The following LAMA1 variants were observed in gnomAD, a reference collection of about 807,000 sequenced individuals.
LAMA1 encodes laminin subunit alpha 1, also known as laminin subunit alpha-1.
LAMA1 carries 219 observed loss-of-function variants against 348.7 expected under a neutral mutation model. That is an observed-to-expected ratio of 0.63 (90% CI 0.56 to 0.70). The LOEUF (loss-of-function observed/expected upper bound fraction) is 0.70, where lower values mean the gene tolerates loss of function less well. LAMA1 is among the 30% of genes least tolerant of loss of function. The pLI is 0.00. For missense variants in LAMA1, 3,744 were observed against 3,888.0 expected, an observed-to-expected ratio of 0.96 and a Z score of 0.99; for synonymous variants, 1,487 against 1,491.0, an observed-to-expected ratio of 1.00 and a Z score of 0.06.
At chr18:7,093,485 C>T (rs2058248133) in intron 1 of LAMA1, among the ~76,000 whole-genome samples, 1 of 151,978 alleles carries the variant, frequency 6.6e-6, no homozygotes, top group African/African-American at 2.4e-5. Flanking sequence ...AAAATAAAAC[C>T]AGAGTAAGTT....
rs1046897233 is a variant in LAMA1 at position 7,037,677 on chromosome 18, T to C, written c.1638A>G (p.Leu546=). Residue 546 remains leucine, a synonymous_variant, in exon 12 of 63, where the codon CTA becomes CTG. Coordinates refer to ENST00000389658, the MANE Select transcript of LAMA1 (RefSeq NM_005559.4). The part of the protein sequence containing the change: ...PRKIPSQQDA[L]GGRHQVSINN... ...TGATGCTGACCTGATGGCGCCCGCCTAGTGCATCTTGCTGAGACGGGATCT... is the reference window on the plus strand; with the variant it reads ...TGATGCTGACCTGATGGCGCCCGCCCAGTGCATCTTGCTGAGACGGGATCT... 1 of 1,614,184 alleles carries C rather than the reference T, an allele frequency of 6.2e-7. No individual in the cohort carries two copies. The highest frequency in any genetic ancestry group is 1.3e-5 in the African/African-American group (1 of 75,038).
At position 6,949,115 on chromosome 18, in the gene LAMA1, T is replaced by C. The variant is rs781069031; in HGVS notation, c.8542A>G (p.Arg2848Gly). The C allele has an allele frequency of 6.2e-7, 1 of 1,614,184 alleles. No homozygotes were observed. Reference protein sequence around the residue: ...LGGLPSQYQARKIGNITHSIP... With the variant: ...LGGLPSQYQAGKIGNITHSIP... ...ATGCTGCTTACATTTCCAATTTTCC[T>C]GGCCTGGTACTGGGAGGGCAGGCCT... The change falls in exon 59 of 63, where the codon AGG becomes GGG. Residue 2848 changes from arginine to glycine, a missense_variant. Coordinates refer to ENST00000389658, the MANE Select transcript of LAMA1 (RefSeq NM_005559.4).
intron 16 of LAMA1, among the ~76,000 whole-genome samples, chr18:7,030,751 C>T (rs662523): frequency 0.22 from 34,113 of 151,904 alleles, 4,272 homozygotes; most frequent in African/African-American, 0.33. Context: ...TGTAAACATA[C>T]ATTAATGGAA....
rs77956049 is a variant in LAMA1, at chr18:7,073,581, T to A, written c.345+6394A>T. Among the ~76,000 whole-genome samples, 1,437 of 152,288 alleles carry A rather than the reference T, an allele frequency of 9.4e-3. 8 individuals are homozygous for A. The highest frequency in any genetic ancestry group is 0.015 in the Admixed American group (229 of 15,292). Reference sequence around the variant, plus strand: ...GGGTACATACATGCTGTGGTATGTGTCAAAATTTCATTCCTTTTTAAGGCT... The same window carrying A: ...GGGTACATACATGCTGTGGTATGTGACAAAATTTCATTCCTTTTTAAGGCT... On this transcript the variant is annotated intron_variant, in intron 3 of 62. Coordinates refer to ENST00000389658, the MANE Select transcript of LAMA1 (RefSeq NM_005559.4).
chr18:7,111,996 C>A (rs1483794751), intron 1 of LAMA1, among the ~76,000 whole-genome samples: 2 of 152,210 alleles, frequency 1.3e-5, no homozygotes, highest in African/African-American at 4.8e-5. Flanking sequence ...AATACATTAA[C>A]TTATCCTTAA....
chr18:7,021,833 AATAATATATTATATTATAT>A (rs2057918140), intron 19 of LAMA1, among the ~76,000 whole-genome samples: 2 of 65,928 alleles, frequency 3.0e-5, no homozygotes, highest in African/African-American at 1.6e-4. Context: ...TATATAATAT[AATAATATATTATATTATAT>A]TATATATATT....
intron 55 of LAMA1, 36 bp downstream of exon 55, chr18:6,958,441 A>G: frequency 6.2e-7 from 1 of 1,607,396 alleles, no homozygotes; most frequent in Non-Finnish European, 8.5e-7. Flanking sequence ...GAAAGGTCAG[A>G]AAGTGCAAGA....
In LAMA1 at chr18:7,010,967, A is replaced by G. The variant is rs369589916; in HGVS notation, c.3687+333T>C. 2.0e-5 allele frequency among the ~76,000 whole-genome samples: 3 copies of G among 152,266 alleles called. No homozygotes were observed. The East Asian group carries it at 5.8e-4, about 29-fold the overall frequency. ...ACGACCATGGTCTCATGAGATTATA[A>G]TAATAACTTTCGCACCTAATGACAC... On this transcript the variant is annotated intron_variant, in intron 25 of 62. Coordinates refer to ENST00000389658, the MANE Select transcript of LAMA1 (RefSeq NM_005559.4).
chr18:6,963,670 C>T (rs781611275), intron 51 of LAMA1, among the ~76,000 whole-genome samples: 28 of 152,196 alleles, frequency 1.8e-4, no homozygotes, highest in East Asian at 1.5e-3. Flanking sequence ...CTAACCACTA[C>T]GCTGAATGGC....
In LAMA1 at chr18:7,080,319, C is replaced by T. The variant is rs758995991; in HGVS notation, c.200G>A (p.Arg67Gln). The T allele has an allele frequency of 8.7e-6, 14 of 1,614,220 alleles. No individual in the cohort carries two copies. Among genetic ancestry groups the T allele is most frequent in the East Asian group, 2.2e-5 (1 of 44,888 alleles). ...GTTTGCGCTGTTGCCATCACAGATCCGGCACTGTGGGTTTCGGACGGGCCG... is the reference window on the plus strand; with the variant it reads ...GTTTGCGCTGTTGCCATCACAGATCTGGCACTGTGGGTTTCGGACGGGCCG... The part of the protein sequence containing the change: ...PGRPVRNPQC[R>Q]ICDGNSANPR... The change falls in exon 2 of 63, where the codon CGG becomes CAG. Residue 67 changes from arginine to glutamine, a missense_variant. This residue lies in a region of LAMA1 where 1,529 missense variants were observed against 1,689.4 expected (regional missense o/e 0.91). Transcript: ENST00000389658.
intron 4 of LAMA1, among the ~76,000 whole-genome samples, chr18:7,050,158 C>T (rs1040710639): frequency 6.6e-6 from 1 of 152,204 alleles, no homozygotes; most frequent in African/African-American, 2.4e-5. Flanking sequence ...ACTCACAGCT[C>T]GCTGCAGAGT....
At chr18:6,991,758 G>T (rs936445613) in intron 36 of LAMA1, among the ~76,000 whole-genome samples, 1 of 151,922 alleles carries the variant, frequency 6.6e-6, no homozygotes, top group African/African-American at 2.4e-5. Flanking sequence ...GATATATACA[G>T]TATAAATAAA....
intron 22 of LAMA1, 107 bp from the exon 23 acceptor site, chr18:7,014,158 T>G (rs941621981): frequency 2.3e-6 from 2 of 877,026 alleles, no homozygotes; most frequent in Non-Finnish European, 3.7e-6. Flanking sequence ...GTTCTACAAA[T>G]GAACCATCTC....
intron 23 of LAMA1, among the ~76,000 whole-genome samples, chr18:7,013,307 A>G (rs2057869830): frequency 6.6e-6 from 1 of 152,140 alleles, no homozygotes; most frequent in African/African-American, 2.4e-5. Context: ...CTCACCACCC[A>G]TGGGAAAAGG....
chr18:6,996,272 C>T (rs987157288), intron 33 of LAMA1, among the ~76,000 whole-genome samples: 2 of 152,212 alleles, frequency 1.3e-5, no homozygotes, highest in African/African-American at 2.4e-5. Context: ...CAAATCAAGA[C>T]GGATTCAAGA....
chr18:6,943,110 T>A (rs1036631177), intron 62 of LAMA1, 70 bp downstream of exon 62: 2 of 1,329,818 alleles, frequency 1.5e-6, no homozygotes, highest in Non-Finnish European at 1.1e-6. Context: ...CTATTCTACA[T>A]CCACCTGAAC....
intron 16 of LAMA1, among the ~76,000 whole-genome samples, chr18:7,027,780 T>C (rs1203161749): frequency 6.6e-6 from 1 of 151,954 alleles, no homozygotes; most frequent in Admixed American, 6.6e-5. Flanking sequence ...CCATCTCTAC[T>C]AAAAATACAA....
chr18:7,071,879 T>A (rs148171187), intron 3 of LAMA1, among the ~76,000 whole-genome samples: 2 of 152,354 alleles, frequency 1.3e-5, no homozygotes, highest in East Asian at 3.9e-4. Flanking sequence ...CAGGCGATTA[T>A]GAGAATTCAA....
intron 14 of LAMA1, 59 bp from the exon 15 acceptor site, chr18:7,033,154 A>G (rs2057978520): frequency 8.4e-7 from 1 of 1,186,678 alleles, no homozygotes; most frequent in Non-Finnish European, 1.2e-6. Flanking sequence ...TCACATCTCA[A>G]TGAAGATGGG....
Sources: allele counts gnomAD v4.1 joint callset (sites outside exome capture counted in the v4.1 genomes callset), GRCh38; gene constraint gnomAD v4.1.1; regional missense constraint gnomAD v4.1.1; transcripts MANE v1.5; gene names NCBI Gene and HGNC (gene_info 2026-07-23, HGNC 2026-07-21).